The following USP10 variants were observed in gnomAD, a reference collection of about 807,000 sequenced individuals.
USP10 encodes the protein ubiquitin carboxyl-terminal hydrolase 10.
A neutral mutation model predicts 84.5 loss-of-function variants in USP10; 22 were observed. The ratio of observed to expected loss-of-function variants is 0.26; its 90% confidence interval spans 0.19 to 0.37. The LOEUF (loss-of-function observed/expected upper bound fraction) is 0.37. Ranked by LOEUF, USP10 falls within the 10% of genes least tolerant of loss-of-function variation. USP10 has a pLI of 1.00. For synonymous variants in USP10, 454 were observed against 387.6 expected (o/e 1.17, Z -2.01); for missense variants, 1,019 against 998.9 (o/e 1.02, Z -0.27).
At chr16:84,748,619 T>G (rs1340405681) in intron 4 of USP10, among the ~76,000 whole-genome samples, 1 of 152,182 alleles carries the variant, frequency 6.6e-6, no homozygotes, top group Non-Finnish European at 1.5e-5. Flanking sequence ...TATTATAGTT[T>G]CGTTTCTAAA....
intron 1 of USP10, among the ~76,000 whole-genome samples, chr16:84,720,169 G>A (rs1907595828): frequency 6.6e-6 from 1 of 152,150 alleles, no homozygotes; most frequent in East Asian, 1.9e-4. Flanking sequence ...GCAAATCAGA[G>A]GAAAATCATT....
intron 4 of USP10, among the ~76,000 whole-genome samples, chr16:84,752,569 T>C (rs8044808): frequency 0.28 from 41,952 of 152,136 alleles, 6,854 homozygotes; most frequent in African/African-American, 0.45. Flanking sequence ...AAGAGGAATT[T>C]AAATAGAGCG....
intron 4 of USP10, among the ~76,000 whole-genome samples, chr16:84,751,493 C>T (rs974123361): frequency 5.3e-5 from 8 of 152,158 alleles, no homozygotes; most frequent in South Asian, 2.1e-4. Flanking sequence ...ACCTGTTTAC[C>T]GGGATCCACC....
At chr16:84,728,979 A>T (rs1908869610) in intron 1 of USP10, among the ~76,000 whole-genome samples, 1 of 111,202 alleles carries the variant, frequency 9.0e-6, no homozygotes, top group African/African-American at 2.6e-5. Context: ...TTGTATTTTT[A>T]GTGGAGGTGG....
chr16:84,738,200 C>G (rs1270529234), intron 2 of USP10, among the ~76,000 whole-genome samples: 1 of 152,102 alleles, frequency 6.6e-6, no homozygotes, highest in African/African-American at 2.4e-5. Flanking sequence ...TCTCTCTTCC[C>G]CGAGCAGAAC....
intron 4 of USP10, among the ~76,000 whole-genome samples, chr16:84,754,046 A>G (rs1188119656): frequency 2.0e-5 from 3 of 152,116 alleles, no homozygotes; most frequent in East Asian, 3.9e-4. Context: ...GTTACCTTAG[A>G]TGGTGCGGAC....
chr16:84,732,462 T>C (rs1484826571), intron 1 of USP10: 1 of 409,696 alleles, frequency 2.4e-6, no homozygotes. Context: ...TTTTTTTCTT[T>C]TTGAGATGGA....
chr16:84,705,512 T>C (rs562141607), intron 1 of USP10, among the ~76,000 whole-genome samples: 51 of 152,176 alleles, frequency 3.4e-4, no homozygotes, highest in African/African-American at 9.9e-4. Flanking sequence ...ATTATAGGCG[T>C]GAGCCACCAC....
In USP10 at chr16:84,775,884, G is replaced by A. The variant is rs376195179; in HGVS notation, c.2209+659G>A. On this transcript the variant is annotated intron_variant, in intron 13 of 13. Coordinates refer to ENST00000219473, the MANE Select transcript of USP10 (RefSeq NM_005153.3). ...TTTATCCTTCTTTCTCTTTTATAGC[G>A]TCATCTTTTATGCCTCTGAGTCTTT... Among the ~76,000 whole-genome samples the A allele has an allele frequency of 2.6e-4, 24 of 91,374 alleles. 1 individual carries two copies. The highest frequency in any genetic ancestry group is 6.5e-4 in the East Asian group (2 of 3,080). 59.9% of individuals were successfully genotyped at this position (91,374 alleles called of 152,430 possible). A position where few individuals can be genotyped will look rare whatever the true frequency, so the allele number is the denominator to read the frequency against.
chr16:84,747,893 A>G (rs1911429683), intron 4 of USP10, among the ~76,000 whole-genome samples: 1 of 152,032 alleles, frequency 6.6e-6, no homozygotes, highest in Non-Finnish European at 1.5e-5. Context: ...TACAGCTTTC[A>G]GAATGTATTT....
intron 1 of USP10, among the ~76,000 whole-genome samples, chr16:84,725,656 G>A (rs1190953776): frequency 6.6e-6 from 1 of 151,958 alleles, no homozygotes; most frequent in Non-Finnish European, 1.5e-5. Flanking sequence ...CACCCGCCTC[G>A]GCCCCCCAGA....
chr16:84,779,130 C>T lies in USP10; in HGVS notation c.*48C>T, dbSNP rs750235512. 1 of 1,565,302 alleles carries T rather than the reference C, an allele frequency of 6.4e-7. No individual in the cohort carries two copies. The highest frequency in any genetic ancestry group is 2.3e-5 in the East Asian group (1 of 43,946). ...GCCCAGTGCCCGCTTCGTAGGACAC[C>T]ACCTCACACTCACTTCCCGCCTCTC... is the stretch of plus-strand genomic sequence containing the variant. On this transcript the variant is annotated 3_prime_UTR_variant, in exon 14 of 14. Coordinates refer to ENST00000219473, the MANE Select transcript of USP10 (RefSeq NM_005153.3).
At chr16:84,730,543 G>A (rs779490702) in intron 1 of USP10, among the ~76,000 whole-genome samples, 1 of 152,146 alleles carries the variant, frequency 6.6e-6, no homozygotes, top group African/African-American at 2.4e-5. Context: ...TCAGTGAACC[G>A]TTTCTGAGCG....
At chr16:84,722,210 T>C (rs1185368436) in intron 1 of USP10, among the ~76,000 whole-genome samples, 3 of 152,218 alleles carry the variant, frequency 2.0e-5, no homozygotes, top group African/African-American at 4.8e-5. Context: ...AACTGTACTC[T>C]TTTGTTTGGT....
chr16:84,767,155 T>C (rs1185994238), intron 10 of USP10, among the ~76,000 whole-genome samples: 1 of 152,110 alleles, frequency 6.6e-6, no homozygotes, highest in African/African-American at 2.4e-5. Context: ...TAGCGAGCTC[T>C]TCACCGCATC....
chr16:84,757,055 TA>T (rs1362597413), intron 4 of USP10, among the ~76,000 whole-genome samples: 1 of 152,220 alleles, frequency 6.6e-6, no homozygotes, highest in Admixed American at 6.5e-5. Context: ...ATGGGGTTGG[TA>T]ACTATCTCTG....
At chr16:84,740,409 G>A (rs1356268070) in intron 3 of USP10, 40 bp downstream of exon 3, 10 of 1,563,584 alleles carry the variant, frequency 6.4e-6, no homozygotes, top group African/African-American at 2.7e-5. Flanking sequence ...AGGGAATTTG[G>A]CCATACGTGC....
chr16:84,773,689 A>G (rs1356984602), intron 12 of USP10, among the ~76,000 whole-genome samples: 1 of 152,052 alleles, frequency 6.6e-6, no homozygotes, highest in Non-Finnish European at 1.5e-5. Flanking sequence ...TTTTAATCCC[A>G]TTTGAGGACC....
intron 10 of USP10, among the ~76,000 whole-genome samples, chr16:84,765,472 TC>T (rs1198423615): frequency 7.3e-6 from 1 of 136,774 alleles, no homozygotes; most frequent in Non-Finnish European, 1.6e-5. Flanking sequence ...CTCTGTAGTT[TC>T]GTCTTTTTTT....
Sources: allele counts gnomAD v4.1 joint callset (sites outside exome capture counted in the v4.1 genomes callset), GRCh38; gene constraint gnomAD v4.1.1; transcripts MANE v1.5; gene names NCBI Gene and HGNC (gene_info 2026-07-23, HGNC 2026-07-21).